NOX4: variants seen among roughly 807,000 people sequenced by gnomAD.
NOX4 encodes kidney oxidase-1.
Under a neutral mutation model 87.6 loss-of-function variants are expected in NOX4, and 69 were observed. The ratio of observed to expected loss-of-function variants is 0.79; its 90% confidence interval spans 0.65 to 0.96. The LOEUF (loss-of-function observed/expected upper bound fraction) is 0.96, where lower values mean the gene tolerates loss of function less well. Ranked by LOEUF, NOX4 falls within the 40% of genes least tolerant of loss-of-function variation. The pLI is 0.00. For synonymous variants in NOX4, 275 were observed against 238.2 expected (o/e 1.15, Z -1.42); for missense variants, 680 against 681.5 (o/e 1.00, Z 0.02).
chr11:89,392,221 C>A (rs528937737), intron 11 of NOX4, among the ~76,000 whole-genome samples: 4 of 151,866 alleles, frequency 2.6e-5, no homozygotes, highest in South Asian at 4.2e-4. Flanking sequence ...CTGTACACAC[C>A]CAACCTCTTT....
chr11:89,559,340 T>A, the NOX4 span, among the ~76,000 whole-genome samples: 2 of 152,104 alleles, frequency 1.3e-5, no homozygotes, highest in Non-Finnish European at 2.9e-5. Flanking sequence ...TATGGAAAGC[T>A]GGTCTGAGGA....
At chr11:89,458,952 G>T (rs79629942) in intron 2 of NOX4, among the ~76,000 whole-genome samples, 2,469 of 152,198 alleles carry the variant, frequency 0.016, 78 homozygotes, top group African/African-American at 0.055. Context: ...TCCCATGATT[G>T]AATATATACC....
chr11:89,460,736 G>A (rs1278460949), intron 2 of NOX4, among the ~76,000 whole-genome samples: 1 of 152,174 alleles, frequency 6.6e-6, no homozygotes, highest in African/African-American at 2.4e-5. Flanking sequence ...CAACCATTGT[G>A]GAAGTCAGTG....
rs1286590395 is a variant in NOX4, at chr11:89,373,487, T to C, written c.1080A>G (p.Pro360=). Residue 360 remains proline (P), a synonymous_variant, in exon 12 of 18, where the codon CCA becomes CCG. Transcript: ENST00000263317. ...ENHPFTLTMC[P]TETKATFGVH... ...CCCCAAATGTTGCTTTGGTTTCAGT[T>C]GGACACTAAAAAAAAATACTAGAAT... 3.0e-5 allele frequency: 47 copies of C among 1,580,672 alleles called. No individual in the cohort carries two copies. Among genetic ancestry groups the C allele is most frequent in the Non-Finnish European group, 4.0e-5 (46 of 1,151,030 alleles).
chr11:89,326,863 C>T lies in NOX4; in HGVS notation c.1630G>A (p.Val544Ile), dbSNP rs780393202. 3 of 1,612,948 alleles carry T rather than the reference C, an allele frequency of 1.9e-6. No homozygotes were observed. The highest frequency in any genetic ancestry group is 2.5e-6 in the Non-Finnish European group (3 of 1,179,468). ...AGTGAATTGGGTCCACAACAGAAAA[C>T]ACCAACTGTTTTTCTAGAACAAGAG... ...AKYNRGKTVG[V>I]FCCGPNSLSK... is the part of the protein sequence containing the mutation. The change falls in exon 18 of 18, where the codon GTT becomes ATT. Residue 544 changes from valine to isoleucine, a missense_variant. By Grantham distance (29) the Val-to-Ile change is conservative (BLOSUM62 3). Transcript: ENST00000263317.
chr11:89,334,882 A>C (rs12803987), intron 17 of NOX4, among the ~76,000 whole-genome samples: 1 of 151,694 alleles, frequency 6.6e-6, no homozygotes, highest in Non-Finnish European at 1.5e-5. Flanking sequence ...ATTGAATTTT[A>C]ATAAAATTAT....
At chr11:89,529,127 C>A in the NOX4 span, among the ~76,000 whole-genome samples, 1 of 151,996 alleles carries the variant, frequency 6.6e-6, no homozygotes, top group Non-Finnish European at 1.5e-5. Context: ...ATAAATTTGA[C>A]TTTTGAGGGG....
chr11:89,400,733 C>T (rs368353392), intron 9 of NOX4, among the ~76,000 whole-genome samples: 7 of 151,226 alleles, frequency 4.6e-5, no homozygotes, highest in Non-Finnish European at 7.4e-5. Flanking sequence ...TAACAATCTC[C>T]GATAAATCTG....
rs1285333507 is a variant in NOX4 at position 89,325,321 on chromosome 11, A to C, written c.*1435T>G. On this transcript the variant is annotated 3_prime_UTR_variant, in exon 18 of 18. Coordinates refer to ENST00000263317, the MANE Select transcript of NOX4 (RefSeq NM_016931.5). ...GTATTTTTAGTAGCGATGGGGTTTC[A>C]CCAACTTGGTCAGGCTGGTCTTGAA... The C allele has an allele frequency of 4.6e-5, 7 of 151,918 alleles. No homozygotes were observed. The highest frequency in any genetic ancestry group is 1.5e-5 in the Non-Finnish European group (1 of 67,996). The allele number at this position is 151,918 out of a possible 1,614,324, so 9.4% of individuals were successfully genotyped here.
chr11:89,430,039 G>T (rs114690808), intron 7 of NOX4, among the ~76,000 whole-genome samples: 3,368 of 152,266 alleles, frequency 0.022, 132 homozygotes, highest in African/African-American at 0.077. Context: ...GGGATGCAAA[G>T]CTGGTTCAAC....
the NOX4 span, among the ~76,000 whole-genome samples, chr11:89,565,359 T>C: frequency 1.3e-5 from 2 of 152,164 alleles, no homozygotes; most frequent in African/African-American, 2.4e-5. Flanking sequence ...CCAACATCCT[T>C]GCTAAACTTC....
chr11:89,534,910 G>C, the NOX4 span, among the ~76,000 whole-genome samples: 1 of 152,174 alleles, frequency 6.6e-6, no homozygotes, highest in South Asian at 2.1e-4. Context: ...TCTAGTAGTG[G>C]ATAACTATCG....
At chr11:89,417,776 T>C (rs184527648) in intron 8 of NOX4, among the ~76,000 whole-genome samples, 17 of 152,196 alleles carry the variant, frequency 1.1e-4, no homozygotes, top group Middle Eastern at 3.4e-3. Context: ...ATTAAGTATG[T>C]CTATATTCTG....
chr11:89,540,775 A>C, the NOX4 span, among the ~76,000 whole-genome samples: 1 of 127,378 alleles, frequency 7.9e-6, no homozygotes, highest in Non-Finnish European at 1.6e-5. Flanking sequence ...GCGACAGAGC[A>C]AGACTCCGTC....
the NOX4 span, among the ~76,000 whole-genome samples, chr11:89,517,095 C>T: frequency 6.6e-6 from 1 of 151,870 alleles, no homozygotes; most frequent in African/African-American, 2.4e-5. Context: ...CTTAAATGAC[C>T]ACTCTCCACC....
upstream of NOX4, among the ~76,000 whole-genome samples, chr11:89,502,786 G>A (rs368600414): frequency 5.9e-5 from 9 of 151,974 alleles, no homozygotes; most frequent in African/African-American, 1.9e-4. Context: ...GGAATATATC[G>A]TAATATTCAT....
chr11:89,358,539 T>C (rs1474600974), intron 12 of NOX4, among the ~76,000 whole-genome samples: 1 of 151,496 alleles, frequency 6.6e-6, no homozygotes, highest in Non-Finnish European at 1.5e-5. Context: ...ACAATTAATT[T>C]TATCTTATAA....
the NOX4 span, among the ~76,000 whole-genome samples, chr11:89,527,981 AG>A: frequency 0.38 from 57,627 of 151,988 alleles, 11,188 homozygotes; most frequent in African/African-American, 0.45. Context: ...AGCCTGTGAA[AG>A]CATCTGGGAG....
intron 11 of NOX4, among the ~76,000 whole-genome samples, chr11:89,375,745 A>T (rs1357905637): frequency 3.3e-5 from 5 of 152,232 alleles, no homozygotes; most frequent in Non-Finnish European, 5.9e-5. Context: ...GTATAATAAA[A>T]GTTGTAGCTC....
Sources: gnomAD v4.1 joint callset for allele counts (sites outside exome capture counted in the v4.1 genomes callset) on GRCh38, gnomAD v4.1.1 for gene constraint, MANE v1.5 for transcripts, NCBI Gene and HGNC (gene_info 2026-07-23, HGNC 2026-07-21) for gene names.